Variants in ARHGAP15 observed in about 807,000 individuals in gnomAD.
ARHGAP15 encodes the protein rho GTPase-activating protein 15.
In ARHGAP15, 51 loss-of-function variants were observed where a neutral mutation model predicts 63.7. That is an observed-to-expected ratio of 0.80 (90% CI 0.64 to 1.01). ARHGAP15 has a LOEUF of 1.01. Among genes scored for constraint, ARHGAP15 ranks in the 50% least tolerant of loss-of-function variants. ARHGAP15 has a pLI of 0.00. For synonymous variants in ARHGAP15, 191 were observed against 193.8 expected (o/e 0.99, Z 0.12); for missense variants, 560 against 564.6 (o/e 0.99, Z 0.08).
intron 9 of ARHGAP15, among the ~76,000 whole-genome samples, chr2:143,498,888 G>C (rs1692933947): frequency 6.6e-6 from 1 of 152,150 alleles, no homozygotes; most frequent in African/African-American, 2.4e-5. Flanking sequence ...TTGAAGTAGG[G>C]ACTGTGCTCA....
chr2:143,133,677 A>C (rs1316300477), intron 1 of ARHGAP15, among the ~76,000 whole-genome samples: 1 of 152,176 alleles, frequency 6.6e-6, no homozygotes, highest in Non-Finnish European at 1.5e-5. Context: ...AATAGATGAT[A>C]TAGTGAGATG....
chr2:143,335,335 A>T (rs1228340886), intron 6 of ARHGAP15, among the ~76,000 whole-genome samples: 5 of 152,190 alleles, frequency 3.3e-5, no homozygotes, highest in Non-Finnish European at 4.4e-5. Context: ...AATAATGGAA[A>T]ATCCTCTTAA....
chr2:143,512,695 G>A (rs1693641716), intron 9 of ARHGAP15, among the ~76,000 whole-genome samples: 1 of 152,220 alleles, frequency 6.6e-6, no homozygotes, highest in South Asian at 2.1e-4. Flanking sequence ...AAAATGGGTG[G>A]GAGGGGATCT....
At chr2:143,442,874 T>C (rs1289206931) in intron 8 of ARHGAP15, among the ~76,000 whole-genome samples, 1 of 152,144 alleles carries the variant, frequency 6.6e-6, no homozygotes, top group Non-Finnish European at 1.5e-5. Context: ...TATTTTCTGA[T>C]TATGACCTGA....
intron 12 of ARHGAP15, among the ~76,000 whole-genome samples, chr2:143,660,445 A>G (rs1229747706): frequency 6.6e-6 from 1 of 152,264 alleles, no homozygotes; most frequent in African/African-American, 2.4e-5. Context: ...CTAACAGATT[A>G]AAGCAGGGTT....
In ARHGAP15 at chr2:143,216,424, C is replaced by A. The variant is rs147452927; in HGVS notation, c.275C>A (p.Ala92Glu). The change falls in exon 4 of 14, where the codon GCA (alanine) becomes GAA (glutamate). Residue 92 changes from alanine (A) to glutamate (E), a missense_variant. Physicochemically the swap from Ala to Glu is moderately radical, Grantham distance 107. Transcript: ENST00000295095. ...GGTTATCTGCAAAAAGCTAAAATTG[C>A]AGATGGAGGAAAGAAACTAAGGTAA... ...KEGYLQKAKI[A>E]DGGKKLRKNW... 6.2e-7 allele frequency: 1 copy of A among 1,609,640 alleles called. No homozygotes were observed. Among genetic ancestry groups the A allele is most frequent in the Non-Finnish European group, 8.5e-7 (1 of 1,177,904 alleles).
chr2:143,531,627 C>A (rs1395001825), intron 10 of ARHGAP15, among the ~76,000 whole-genome samples: 1 of 152,128 alleles, frequency 6.6e-6, no homozygotes, highest in Non-Finnish European at 1.5e-5. Flanking sequence ...GCCTAACCTG[C>A]TAACTTGAAG....
intron 8 of ARHGAP15, among the ~76,000 whole-genome samples, chr2:143,464,867 C>T (rs1044344369): frequency 2.0e-5 from 3 of 151,960 alleles, no homozygotes; most frequent in Admixed American, 1.3e-4. Context: ...GAAAATTTTG[C>T]TTTATCTTAC....
chr2:143,186,471 G>C (rs1429060584), intron 2 of ARHGAP15, among the ~76,000 whole-genome samples: 1 of 152,082 alleles, frequency 6.6e-6, no homozygotes, highest in Non-Finnish European at 1.5e-5. Context: ...TCCTAGGTAT[G>C]TTTTGCACCT....
chr2:143,566,456 C>T (rs911727357), intron 11 of ARHGAP15, among the ~76,000 whole-genome samples: 3 of 152,150 alleles, frequency 2.0e-5, no homozygotes, highest in African/African-American at 7.2e-5. Flanking sequence ...TTTCCATTCA[C>T]ATGGAGCCTC....
chr2:143,618,367 G>T lies in ARHGAP15; in HGVS notation c.1004-5766G>T, dbSNP rs1353193629. On this transcript the variant is annotated intron_variant, in intron 11 of 13. Transcript: ENST00000295095. ...ATCCCTCTGGCATCTCTTCCATTTG[G>T]GATGTGACTTTCATGTACCCAGCAG... Among the ~76,000 whole-genome samples the T allele has an allele frequency of 3.3e-5, 5 of 152,042 alleles. No individual in the cohort carries two copies. In the East Asian group the frequency reaches 9.6e-4, roughly 29 times the overall value.
At chr2:143,664,503 A>C (rs1284025596) in intron 12 of ARHGAP15, among the ~76,000 whole-genome samples, 3 of 152,098 alleles carry the variant, frequency 2.0e-5, no homozygotes, top group Non-Finnish European at 4.4e-5. Context: ...TCACAATTAA[A>C]AGAACTAGAA....
At chr2:143,635,188 C>G (rs1680242418) in intron 12 of ARHGAP15, among the ~76,000 whole-genome samples, 1 of 114,958 alleles carries the variant, frequency 8.7e-6, no homozygotes, top group Non-Finnish European at 1.7e-5. Context: ...ATTAACCTCT[C>G]AGGAGCTTTT....
intron 13 of ARHGAP15, among the ~76,000 whole-genome samples, chr2:143,752,030 G>A (rs939515602): frequency 4.6e-5 from 7 of 152,240 alleles, no homozygotes; most frequent in Admixed American, 3.9e-4. Flanking sequence ...CTTCCTGACT[G>A]CCCATTTATT....
intron 6 of ARHGAP15, among the ~76,000 whole-genome samples, chr2:143,325,056 T>C (rs1250474464): frequency 6.6e-6 from 1 of 152,116 alleles, no homozygotes; most frequent in Non-Finnish European, 1.5e-5. Flanking sequence ...TTCTTATGAA[T>C]CACAATTTTT....
rs1179604537 is a variant in ARHGAP15, at chr2:143,739,771, CAG to C, written c.1245-28215_1245-28214del. Among the ~76,000 whole-genome samples, 15 of 152,262 alleles carry C rather than the reference CAG, an allele frequency of 9.9e-5. No homozygotes were observed. The East Asian group carries it at 2.7e-3, about 27-fold the overall frequency. ...TCAGCTGACTTTTACTGAAGATTGA[CAG>C]AGGATAGAGAGATCACATCACACCC... On this transcript the variant is annotated intron_variant, in intron 13 of 13. Coordinates refer to ENST00000295095, the MANE Select transcript of ARHGAP15 (RefSeq NM_018460.4).
intron 12 of ARHGAP15, among the ~76,000 whole-genome samples, chr2:143,675,389 T>C (rs1374303441): frequency 6.6e-6 from 1 of 152,202 alleles, no homozygotes. Context: ...GAATCATGAA[T>C]GTTCTTAATG....
chr2:143,411,873 G>GT (rs1307642470), intron 6 of ARHGAP15, among the ~76,000 whole-genome samples: 1 of 152,170 alleles, frequency 6.6e-6, no homozygotes, highest in African/African-American at 2.4e-5. Flanking sequence ...CCCAGAGGCA[G>GT]TGATATTGAA....
chr2:143,550,375 T>C (rs1695502043), intron 10 of ARHGAP15, among the ~76,000 whole-genome samples: 1 of 152,208 alleles, frequency 6.6e-6, no homozygotes, highest in Non-Finnish European at 1.5e-5. Context: ...CACATACTTT[T>C]ATGAATCAAG....
Sources: allele counts gnomAD v4.1 joint callset (sites outside exome capture counted in the v4.1 genomes callset), GRCh38; gene constraint gnomAD v4.1.1; transcripts MANE v1.5; gene names NCBI Gene and HGNC (gene_info 2026-07-23, HGNC 2026-07-21).